The following ATIC variants were observed in gnomAD, a reference collection of about 807,000 sequenced individuals.
The protein encoded by ATIC is 5-aminoimidazole-4-carboxamide ribonucleotide formyltransferase/IMP cyclohydrolase, also known as bifunctional purine biosynthesis protein ATIC.
ATIC carries 64 observed loss-of-function variants against 72.5 expected under a neutral mutation model. The ratio of observed to expected loss-of-function variants is 0.88; its 90% CI spans 0.72 to 1.09. The LOEUF (loss-of-function observed/expected upper bound fraction) is 1.09, where lower values mean the gene tolerates loss of function less well. ATIC is among the 50% of genes least tolerant of loss of function. The pLI is 0.00. For missense variants in ATIC, 787 were observed against 732.4 expected, an observed-to-expected ratio of 1.07 and a Z score of -0.86; for synonymous variants, 281 against 267.1, an observed-to-expected ratio of 1.05 and a Z score of -0.51.
intron 12 of ATIC, among the ~76,000 whole-genome samples, chr2:215,341,343 A>G (rs547061098): frequency 4.6e-5 from 7 of 152,282 alleles, no homozygotes; most frequent in Non-Finnish European, 1.5e-5. Flanking sequence ...GTGCCTAGCT[A>G]CTGAGAGTCT....
chr2:215,342,038 C>A (rs910487389), intron 12 of ATIC, among the ~76,000 whole-genome samples: 4 of 152,172 alleles, frequency 2.6e-5, no homozygotes, highest in African/African-American at 9.7e-5. Flanking sequence ...GAGACTCATT[C>A]ATTGTCATGA....
intron 12 of ATIC, among the ~76,000 whole-genome samples, chr2:215,339,389 G>A (rs1031779377): frequency 4.6e-5 from 7 of 152,068 alleles, no homozygotes; most frequent in African/African-American, 1.7e-4. Context: ...TGGTAGCTGC[G>A]CCTGTAGGTC....
intron 13 of ATIC, among the ~76,000 whole-genome samples, chr2:215,346,243 C>G (rs1436270038): frequency 1.3e-5 from 2 of 152,230 alleles, no homozygotes; most frequent in East Asian, 3.9e-4. Flanking sequence ...CTCATTGTAG[C>G]CTTCGACTCC....
At position 215,344,868 on chromosome 2, in the gene ATIC, G is replaced by T; in HGVS notation, c.1317G>T (p.Gly439=). 6.2e-7 allele frequency: 1 copy of T among 1,613,880 alleles called. No homozygotes were observed. Among genetic ancestry groups the T allele is most frequent in the Non-Finnish European group, 8.5e-7 (1 of 1,179,926 alleles). The change falls in exon 13 of 16, where the codon GGG becomes GGT. Residue 439 remains glycine (G), a synonymous_variant. Transcript: ENST00000236959. ...ACTCTGTGTGCTACGCCAAGAACGGGCAGGTAAGTGGGCTGTTGGACTCGC... is the reference window on the plus strand; with the variant it reads ...ACTCTGTGTGCTACGCCAAGAACGGTCAGGTAAGTGGGCTGTTGGACTCGC... ...QSNSVCYAKN[G]QVIGIGAGQQ...
chr2:215,326,890 C>T lies in ATIC; in HGVS notation c.600C>T (p.Gly200=), dbSNP rs1803201. 7.3e-4 allele frequency: 1,174 copies of T among 1,614,116 alleles called. 11 individuals carry two copies. The African/African-American group carries it at 0.014, about 19-fold the overall frequency. ...ATTTCAGGAAACAGTACAGCAAAGG[C>T]GTATCTCAGATGCCCTTGAGATATG... is the stretch of plus-strand genomic sequence containing the variant. ...SDYFRKQYSK[G]VSQMPLRYGM... The change falls in exon 7 of 16, where the codon GGC becomes GGT. Residue 200 remains glycine (G), a synonymous_variant. Transcript: ENST00000236959.
chr2:215,320,549 G>C (rs2052755469), intron 4 of ATIC, among the ~76,000 whole-genome samples: 1 of 152,046 alleles, frequency 6.6e-6, no homozygotes, highest in Admixed American at 6.6e-5. Context: ...GAGTTGCCCA[G>C]CTCTTTTACT....
At chr2:215,316,008 GTGT>G (rs889369327) in intron 2 of ATIC, among the ~76,000 whole-genome samples, 1 of 151,718 alleles carries the variant, frequency 6.6e-6, no homozygotes, top group Non-Finnish European at 1.5e-5. Context: ...ATATTTTTGG[GTGT>G]TGTTATCTGC....
intron 2 of ATIC, among the ~76,000 whole-genome samples, chr2:215,317,573 A>G (rs180973141): frequency 6.6e-6 from 1 of 151,630 alleles, no homozygotes; most frequent in African/African-American, 2.4e-5. Context: ...GCGACCTCCA[A>G]CTCTTGGGTT....
At chr2:215,325,899 G>C (rs1407954008) in intron 5 of ATIC, 88 bp from the exon 6 acceptor site, 3 of 1,481,362 alleles carry the variant, frequency 2.0e-6, no homozygotes, top group Non-Finnish European at 2.8e-6. Flanking sequence ...GAATTAAAAT[G>C]GAAGTACATG....
intron 2 of ATIC, among the ~76,000 whole-genome samples, chr2:215,316,307 C>T (rs985278219): frequency 6.6e-6 from 1 of 152,152 alleles, no homozygotes; most frequent in Non-Finnish European, 1.5e-5. Flanking sequence ...TTTGAAAACA[C>T]TTATGTCACC....
chr2:215,352,796 C>T (rs1409520918), downstream of ATIC, among the ~76,000 whole-genome samples: 2 of 151,774 alleles, frequency 1.3e-5, no homozygotes, highest in Non-Finnish European at 2.9e-5. Context: ...TGGCATGTCT[C>T]AAGTATCTTC....
chr2:215,312,986 A>G lies in ATIC; in HGVS notation c.146+362A>G, dbSNP rs112971604. Among the ~76,000 whole-genome samples, 133 of 152,238 alleles carry G rather than the reference A, an allele frequency of 8.7e-4. 1 individual carries two copies. Among genetic ancestry groups the G allele is most frequent in the African/African-American group, 3.1e-3 (128 of 41,566 alleles). ...GTGGCACACGCCTGTAATCCCAGCT[A>G]CTGGGAAGGCTGAGGCAGGAGAATC... is the stretch of plus-strand genomic sequence containing the variant. On this transcript the variant is annotated intron_variant, in intron 2 of 15. Coordinates refer to ENST00000236959, the MANE Select transcript of ATIC (RefSeq NM_004044.7).
At chr2:215,340,143 T>C (rs1488202943) in intron 12 of ATIC, among the ~76,000 whole-genome samples, 1 of 152,104 alleles carries the variant, frequency 6.6e-6, no homozygotes, top group Non-Finnish European at 1.5e-5. Flanking sequence ...TATAGACAAG[T>C]TTTTGGGCTT....
At position 215,319,891 on chromosome 2, in the gene ATIC, A is replaced by G. The variant is rs145156457; in HGVS notation, c.290+160A>G. 3.7e-3 allele frequency among the ~76,000 whole-genome samples: 557 copies of G among 152,320 alleles called. 2 individuals are homozygous for G. Among genetic ancestry groups the G allele is most frequent in the African/African-American group, 0.013 (526 of 41,566 alleles). On this transcript the variant is annotated intron_variant, in intron 4 of 15. Transcript: ENST00000236959. ...AGCATTTTGGTTTGGCCAGATTTAT[A>G]TACCAAAATACATACTGAAGTTTTT...
At chr2:215,367,257 A>T in the ATIC span, among the ~76,000 whole-genome samples, 1 of 152,272 alleles carries the variant, frequency 6.6e-6, no homozygotes, top group East Asian at 1.9e-4. Flanking sequence ...TAACTTAAAA[A>T]ATTTGAAAAT....
intron 9 of ATIC, among the ~76,000 whole-genome samples, chr2:215,333,764 C>T (rs570862135): frequency 3.7e-4 from 56 of 152,028 alleles, no homozygotes; most frequent in Non-Finnish European, 5.7e-4. Flanking sequence ...TATTTTAGGC[C>T]GGGCGCAATG....
chr2:215,321,640 G>A (rs1432792803), intron 4 of ATIC, among the ~76,000 whole-genome samples: 1 of 152,164 alleles, frequency 6.6e-6, no homozygotes, highest in East Asian at 1.9e-4. Flanking sequence ...CCTCATCAAC[G>A]TTACTATCTG....
intron 4 of ATIC, among the ~76,000 whole-genome samples, chr2:215,322,151 C>T (rs547459591): frequency 7.9e-5 from 12 of 152,202 alleles, no homozygotes; most frequent in African/African-American, 2.9e-4. Context: ...TATCTGCCCG[C>T]CTTGGCCTCC....
chr2:215,332,236 A>G, intron 7 of ATIC, 146 bp from the exon 8 acceptor site: 2 of 1,196,998 alleles, frequency 1.7e-6, no homozygotes, highest in Non-Finnish European at 2.4e-6. Context: ...GTTCTTTATC[A>G]TCAAGATTTT....
Sources: allele counts gnomAD v4.1 joint callset (sites outside exome capture counted in the v4.1 genomes callset), GRCh38; gene constraint gnomAD v4.1.1; transcripts MANE v1.5; gene names NCBI Gene and HGNC (gene_info 2026-07-23, HGNC 2026-07-21).